The following STK32A variants were observed in gnomAD, a reference collection of about 807,000 sequenced individuals.
STK32A encodes serine/threonine-protein kinase 32A.
In STK32A, 41 loss-of-function variants were observed where a neutral mutation model predicts 53.2. That is an observed-to-expected ratio of 0.77 (90% CI 0.60 to 1.00). The LOEUF (loss-of-function observed/expected upper bound fraction) is 1.00, where lower values mean the gene tolerates loss of function less well. Among genes scored for constraint, STK32A ranks in the 50% least tolerant of loss-of-function variants. The pLI, the probability that STK32A is intolerant of heterozygous loss-of-function variation, is 0.00. For missense variants in STK32A, 458 were observed against 485.8 expected (o/e 0.94, Z 0.54); for synonymous variants, 166 against 162.8 (o/e 1.02, Z -0.15).
intron 9 of STK32A, among the ~76,000 whole-genome samples, chr5:147,371,366 GTTTTGGAC>G (rs1756996681): frequency 6.6e-6 from 1 of 152,144 alleles, no homozygotes; most frequent in Admixed American, 6.6e-5. Context: ...CTCAAGCCTT[GTTTTGGAC>G]TTTTGGACTT....
intron 11 of STK32A, among the ~76,000 whole-genome samples, chr5:147,378,591 T>A (rs12657525): frequency 6.6e-6 from 1 of 151,918 alleles, no homozygotes; most frequent in Non-Finnish European, 1.5e-5. Context: ...AGAGTCACCT[T>A]GTTACTCTAG....
intron 1 of STK32A, among the ~76,000 whole-genome samples, chr5:147,235,492 C>G (rs1046506108): frequency 4.6e-5 from 7 of 152,196 alleles, no homozygotes; most frequent in Non-Finnish European, 7.3e-5. Flanking sequence ...CAAGCAAAAC[C>G]TAGCTGCCTT....
chr5:147,258,173 T>TTTTTTTTGAG (rs1466872220), intron 2 of STK32A, among the ~76,000 whole-genome samples: 1 of 148,584 alleles, frequency 6.7e-6, no homozygotes, highest in Non-Finnish European at 1.5e-5. Context: ...TAATTTTTGT[T>TTTTTTTTGAG]AAAGAGCAGG....
In STK32A at chr5:147,258,921, T is replaced by TTTA. The variant is rs141403277; in HGVS notation, c.53-19188_53-19186dup. 1.1e-4 allele frequency among the ~76,000 whole-genome samples: 16 copies of TTTA among 152,004 alleles called. No individual in the cohort carries two copies. The East Asian group carries it at 1.7e-3, about 17-fold the overall frequency. ...TCAGAATTGGTATAGATGGCTTTTT[T>TTTA]TTATTATTATTATTATTCTGTAAGT... On this transcript the variant is annotated intron_variant, in intron 2 of 12. Coordinates refer to ENST00000397936, the MANE Select transcript of STK32A (RefSeq NM_001112724.2).
At chr5:147,295,470 G>A (rs1752825555) in intron 4 of STK32A, among the ~76,000 whole-genome samples, 1 of 152,220 alleles carries the variant, frequency 6.6e-6, no homozygotes, top group African/African-American at 2.4e-5. Context: ...ATATTTTGCT[G>A]ATCAGAAGGC....
chr5:147,280,441 G>A (rs1752003951), intron 4 of STK32A, among the ~76,000 whole-genome samples: 2 of 149,858 alleles, frequency 1.3e-5, no homozygotes, highest in South Asian at 4.3e-4. Flanking sequence ...GGGGAGGGGG[G>A]TGGTGGAAAG....
intron 4 of STK32A, among the ~76,000 whole-genome samples, chr5:147,284,749 T>C (rs1242859366): frequency 1.4e-5 from 2 of 138,674 alleles, no homozygotes; most frequent in South Asian, 2.3e-4. Flanking sequence ...AACCAAGGAG[T>C]AGAAAGACCT....
chr5:147,397,870 G>C, the STK32A span: 1 of 1,529,742 alleles, frequency 6.5e-7, no homozygotes, highest in Admixed American at 1.9e-5. Context: ...GAGAAGCAAA[G>C]CCACAGTAAG....
At chr5:147,323,820 T>C (rs539105377) in intron 4 of STK32A, 78 bp from the exon 5 acceptor site, 4 of 1,273,062 alleles carry the variant, frequency 3.1e-6, no homozygotes, top group Admixed American at 4.3e-5. Flanking sequence ...TGCTCTGATC[T>C]GTAGGGTCTC....
intron 4 of STK32A, among the ~76,000 whole-genome samples, chr5:147,301,474 A>G (rs1263148245): frequency 6.6e-6 from 1 of 152,180 alleles, no homozygotes. Context: ...CCCCATAGCC[A>G]GAAAAGATTC....
intron 4 of STK32A, among the ~76,000 whole-genome samples, chr5:147,313,912 A>C (rs1042879550): frequency 2.6e-5 from 4 of 152,198 alleles, no homozygotes; most frequent in African/African-American, 7.2e-5. Flanking sequence ...ACCATGTACA[A>C]AATTAGCTCA....
chr5:147,238,627 G>A (rs1753426347), intron 1 of STK32A, among the ~76,000 whole-genome samples: 1 of 152,010 alleles, frequency 6.6e-6, no homozygotes, highest in Non-Finnish European at 1.5e-5. Context: ...TGTGTATTCA[G>A]TTAAATGTAT....
intron 2 of STK32A, among the ~76,000 whole-genome samples, chr5:147,264,619 T>G (rs972624589): frequency 6.6e-6 from 1 of 152,194 alleles, no homozygotes; most frequent in Non-Finnish European, 1.5e-5. Context: ...ATTAAAATTA[T>G]TATGCCAGAT....
Position 147,386,571 on chromosome 5 carries a change from G to A in STK32A, c.*2588G>A, listed in dbSNP as rs1757649851. 6.6e-6 allele frequency: 1 copy of A among 152,190 alleles called. No individual in the cohort carries two copies. The highest frequency in any genetic ancestry group is 2.4e-5 in the African/African-American group (1 of 41,450). 9.4% of individuals were successfully genotyped at this position (152,190 alleles called of 1,614,324 possible). A position where few individuals can be genotyped will look rare whatever the true frequency, so the allele number is the denominator to read the frequency against. On this transcript the variant is annotated 3_prime_UTR_variant, in exon 13 of 13. Coordinates refer to ENST00000397936, the MANE Select transcript of STK32A (RefSeq NM_001112724.2). ...TTTCACACGTATACATTTATGATGG[G>A]ATGGGAACCCGATACAATCTCTGTA...
chr5:147,301,889 C>T lies in STK32A; in HGVS notation c.261-22009C>T, dbSNP rs79924174. Among the ~76,000 whole-genome samples the T allele has an allele frequency of 9.8e-3, 1,492 of 152,230 alleles. 120 individuals are homozygous for T. In the East Asian group the frequency reaches 0.21, roughly 21 times the overall value. Reference sequence around the variant, plus strand: ...TTCTTGAGGCTGCCTGTATTCTCGGCTTGTGGCCCCTTCCTTTATCTTCAA... The same window carrying T: ...TTCTTGAGGCTGCCTGTATTCTCGGTTTGTGGCCCCTTCCTTTATCTTCAA... On this transcript the variant is annotated intron_variant, in intron 4 of 12. Coordinates refer to ENST00000397936, the MANE Select transcript of STK32A (RefSeq NM_001112724.2).
intron 2 of STK32A, among the ~76,000 whole-genome samples, chr5:147,273,080 CTG>C (rs1755113349): frequency 6.6e-6 from 1 of 152,200 alleles, no homozygotes; most frequent in Non-Finnish European, 1.5e-5. Flanking sequence ...AGGGTCTTCT[CTG>C]AAATTCCAAG....
intron 5 of STK32A, among the ~76,000 whole-genome samples, chr5:147,337,164 CT>C (rs1388748680): frequency 6.6e-6 from 1 of 152,188 alleles, no homozygotes; most frequent in African/African-American, 2.4e-5. Context: ...TATTTCCACT[CT>C]GCTATTTATA....
chr5:147,392,022 ATG>A (rs1757824576), downstream of STK32A: 2 of 152,210 alleles, frequency 1.3e-5, no homozygotes, highest in African/African-American at 2.4e-5. Flanking sequence ...AAGCGAGTTT[ATG>A]TGTGTCTTTT....
At position 147,326,197 on chromosome 5, in the gene STK32A, C is replaced by T. The variant is rs73797621; in HGVS notation, c.434+2126C>T. ...TTCTTTCCCTCTCTTTTTTTCTCAC[C>T]GTTATCATCATTTTGCCACTTAAAT... is the stretch of plus-strand genomic sequence containing the variant. On this transcript the variant is annotated intron_variant, in intron 5 of 12. Coordinates refer to ENST00000397936, the MANE Select transcript of STK32A (RefSeq NM_001112724.2). 6.6e-3 allele frequency among the ~76,000 whole-genome samples: 1,011 copies of T among 152,158 alleles called. 12 individuals are homozygous for T. Among genetic ancestry groups the T allele is most frequent in the African/African-American group, 0.023 (970 of 41,530 alleles).
Sources: gnomAD v4.1 joint callset for allele counts (sites outside exome capture counted in the v4.1 genomes callset) on GRCh38, gnomAD v4.1.1 for gene constraint, MANE v1.5 for transcripts, NCBI Gene and HGNC (gene_info 2026-07-23, HGNC 2026-07-21) for gene names.